EIF4A1: variants seen among roughly 807,000 people sequenced by gnomAD.
EIF4A1 encodes eukaryotic initiation factor 4A-I.
A neutral mutation model predicts 53.5 loss-of-function variants in EIF4A1; 11 were observed. The observed-to-expected ratio is 0.21, with a 90% CI of 0.13 to 0.34. The LOEUF is 0.34. EIF4A1 is among the 10% of genes least tolerant of loss of function. The pLI is 1.00. For synonymous variants in EIF4A1, 237 were observed against 186.7 expected (o/e 1.27, Z -2.20); for missense variants, 213 against 530.8 (o/e 0.40, Z 5.88).
At chr17:7,575,644 A>G (rs60920983) in intron 4 of EIF4A1, 49,045 of 348,096 alleles carry the variant, frequency 0.14, 3,709 homozygotes, top group South Asian at 0.18. Flanking sequence ...GGCACACACA[A>G]TTCTAATGCT....
intron 4 of EIF4A1, chr17:7,575,902 T>TG (rs1450759896): frequency 6.0e-6 from 1 of 167,464 alleles, no homozygotes; most frequent in African/African-American, 2.4e-5. Flanking sequence ...CTGGGTGTGG[T>TG]GGCTCAACTC....
intron 5 of EIF4A1, 107 bp downstream of exon 5, chr17:7,576,799 G>C: frequency 6.5e-7 from 1 of 1,540,466 alleles, no homozygotes; most frequent in South Asian, 1.2e-5. Context: ...GTTTCTCTCT[G>C]GGGGAAGAGC....
chr17:7,577,172 G>A lies in EIF4A1; in HGVS notation c.624+7G>A. 6.3e-7 allele frequency: 1 copy of A among 1,592,630 alleles called. No homozygotes were observed. The highest frequency in any genetic ancestry group is 8.5e-7 in the Non-Finnish European group (1 of 1,171,736). On this transcript the variant is annotated splice_region_variant and intron_variant, in intron 6 of 10. Transcript: ENST00000293831. The surrounding 1 kb of genome is among the most constrained non-coding windows in gnomAD (Gnocchi z 4.7). ...GCTCAACAGCAACACCCAGGTGAGG[G>A]CAGTCTTGCTTGAATAGCTAATGAT...
At chr17:7,574,333 G>T (rs752196468) in intron 2 of EIF4A1, 25 bp downstream of exon 2, 1 of 1,614,166 alleles carries the variant, frequency 6.2e-7, no homozygotes, top group East Asian at 2.2e-5. Context: ...ATGGAATTCT[G>T]TCCTCCCCCA....
In EIF4A1 at chr17:7,576,568, C is replaced by T; in HGVS notation, c.390C>T (p.Ser130=). The T allele has an allele frequency of 2.5e-6, 4 of 1,611,828 alleles. No homozygotes were observed. The highest frequency in any genetic ancestry group is 2.2e-5 in the South Asian group (2 of 90,754). Reference sequence around the variant, plus strand: ...CACTAGGAGACTACATGGGCGCCTCCTGTCACGCCTGTATCGGGGGCACCA... The same window carrying T: ...CACTAGGAGACTACATGGGCGCCTCTTGTCACGCCTGTATCGGGGGCACCA... ...VMALGDYMGA[S]CHACIGGTNV... The change falls in exon 5 of 11, where the codon TCC becomes TCT. Residue 130 remains serine (S), a synonymous_variant. Transcript: ENST00000293831.
chr17:7,575,363 T>A lies in EIF4A1; in HGVS notation c.345+105T>A, dbSNP rs754631269. 18 of 1,531,296 alleles carry A rather than the reference T, an allele frequency of 1.2e-5. No individual in the cohort carries two copies. The East Asian group carries it at 3.6e-4, about 31-fold the overall frequency. The allele number at this position is 1,531,296 out of a possible 1,614,324, so 94.9% of individuals were successfully genotyped here. A position where few individuals can be genotyped will look rare whatever the true frequency, so the allele number is the denominator to read the frequency against. ...TGATCACCACCTTGGGAGGAAGACA[T>A]GGGTGCCCTAACACTCTCGAGACCT... On this transcript the variant is annotated intron_variant, in intron 4 of 10. Coordinates refer to ENST00000293831, the MANE Select transcript of EIF4A1 (RefSeq NM_001416.4).
rs373643163 is a variant in EIF4A1, at chr17:7,577,318, C to CT, written c.625-25dup. ...CAGGCCTCAGGAAGGAACCAGCACT[C>CT]TAAGACTGGCCTTTTTTTCCACTAG... On this transcript the variant is annotated intron_variant, in intron 6 of 10. Transcript: ENST00000293831. This position sits in a 1 kb window ranked among gnomAD's most constrained non-coding sequence, Gnocchi z 4.7. 456 of 1,613,420 alleles carry CT rather than the reference C, an allele frequency of 2.8e-4. No individual in the cohort carries two copies. Among genetic ancestry groups the CT allele is most frequent in the African/African-American group, 1.2e-3 (91 of 75,024 alleles).
chr17:7,575,805 G>A (rs2071393290), intron 4 of EIF4A1: 1 of 220,274 alleles, frequency 4.5e-6, no homozygotes, highest in Admixed American at 5.2e-5. Flanking sequence ...TTTTCTCAGA[G>A]TGAACATGCC....
At chr17:7,576,225 CA>C (rs1214222175) in intron 4 of EIF4A1, 3 of 261,902 alleles carry the variant, frequency 1.1e-5, no homozygotes, top group African/African-American at 6.6e-5. Context: ...AATTAGTTTT[CA>C]GAAGGTTAAG....
chr17:7,576,726 C>G (rs777918986), intron 5 of EIF4A1, 34 bp downstream of exon 5: 28 of 1,578,166 alleles, frequency 1.8e-5, no homozygotes, highest in Non-Finnish European at 2.2e-5. Context: ...CCCTGGGTCA[C>G]TTTGCTCTTG....
At chr17:7,576,285 C>G in intron 4 of EIF4A1, 1 of 407,842 alleles carries the variant, frequency 2.5e-6, no homozygotes, top group South Asian at 8.1e-5. Flanking sequence ...TCTGAGCGGC[C>G]TCATTGTGAA....
chr17:7,574,323 A>G lies in EIF4A1; in HGVS notation c.72+15A>G, dbSNP rs111327662. The stretch of plus-strand genomic sequence containing the variant: ...GCGTCATCGAGGTGAGACTGGAGAA[A>G]TGGAATTCTGTCCTCCCCCATTACA... On this transcript the variant is annotated intron_variant, in intron 2 of 10. Transcript: ENST00000293831. 3.2e-5 allele frequency: 52 copies of G among 1,614,176 alleles called. 1 individual carries two copies. In the African/African-American group the frequency reaches 4.3e-4, roughly 13 times the overall value.
At position 7,572,866 on chromosome 17, in the gene EIF4A1, TAAGA is replaced by T; in HGVS notation, c.23+6_23+9del. ...CATGTCTGCGAGCCAGGATTCCCGG[TAAGA>T]AAGGCATTTGCAAGAGATTGTGGCT... On this transcript the variant is annotated splice_donor_5th_base_variant and intron_variant, in intron 1 of 10. Transcript: ENST00000293831. 3 of 1,614,108 alleles carry T rather than the reference TAAGA, an allele frequency of 1.9e-6. No individual in the cohort carries two copies. The highest frequency in any genetic ancestry group is 2.2e-5 in the South Asian group (2 of 91,090).
intron 2 of EIF4A1, 31 bp from the exon 3 acceptor site, chr17:7,574,515 A>G (rs776383366): frequency 1.2e-6 from 2 of 1,612,908 alleles, no homozygotes; most frequent in South Asian, 2.2e-5. Context: ...CTTTTCCATG[A>G]CTCAAGCTTT....
rs756704876 is a variant in EIF4A1 at position 7,577,179 on chromosome 17, T to C, written c.624+14T>C. On this transcript the variant is annotated intron_variant, in intron 6 of 10. Transcript: ENST00000293831. The surrounding 1 kb of genome is among the most constrained non-coding windows in gnomAD (Gnocchi z 4.7). ...AGCAACACCCAGGTGAGGGCAGTCT[T>C]GCTTGAATAGCTAATGATTCTTGAA... The C allele has an allele frequency of 6.3e-7, 1 of 1,583,960 alleles. No homozygotes were observed. The highest frequency in any genetic ancestry group is 8.6e-7 in the Non-Finnish European group (1 of 1,168,286).
At chr17:7,573,837 G>A (rs377567601) in intron 1 of EIF4A1, 1 of 164,230 alleles carries the variant, frequency 6.1e-6, no homozygotes, top group Non-Finnish European at 1.3e-5. Context: ...GGGATGACGT[G>A]GGGGGAAGGG....
At chr17:7,575,071 C>T (rs2071382847) in intron 3 of EIF4A1, 48 bp from the exon 4 acceptor site, 1 of 1,606,388 alleles carries the variant, frequency 6.2e-7, no homozygotes, top group Non-Finnish European at 8.5e-7. Flanking sequence ...TTGAATATCC[C>T]AAAGGGTATG....
At chr17:7,573,373 C>G in intron 1 of EIF4A1, 1 of 191,038 alleles carries the variant, frequency 5.2e-6, no homozygotes, top group Non-Finnish European at 1.1e-5. Context: ...ACCGGCCGTT[C>G]AGTGTGCTGG....
Position 7,577,349 on chromosome 17 carries a change from T to G in EIF4A1, c.630T>G (p.Val210=). 6.2e-7 allele frequency: 1 copy of G among 1,613,958 alleles called. No homozygotes were observed. Among genetic ancestry groups the G allele is most frequent in the Non-Finnish European group, 8.5e-7 (1 of 1,179,982 alleles). ...CTGGCCTTTTTTTCCACTAGGTAGTTTTGCTGTCAGCCACAATGCCTTCTG... is the reference window on the plus strand; with the variant it reads ...CTGGCCTTTTTTTCCACTAGGTAGTGTTGCTGTCAGCCACAATGCCTTCTG... ...FQKLNSNTQV[V]LLSATMPSDV... is the part of the protein sequence containing the mutation. The change falls in exon 7 of 11, where the codon GTT becomes GTG. Residue 210 remains valine, a synonymous_variant. Coordinates refer to ENST00000293831, the MANE Select transcript of EIF4A1 (RefSeq NM_001416.4). The surrounding 1 kb of genome is among the most constrained non-coding windows in gnomAD (Gnocchi z 4.7).
Sources: allele counts gnomAD v4.1 joint callset, GRCh38; gene constraint gnomAD v4.1.1; non-coding constraint Gnocchi (gnomAD v3.1); transcripts MANE v1.5; gene names NCBI Gene and HGNC (gene_info 2026-07-23, HGNC 2026-07-21).